Variants in RASA1 observed in about 807,000 individuals in gnomAD.
The protein encoded by RASA1 is ras GTPase-activating protein 1.
A neutral mutation model predicts 132.2 loss-of-function variants in RASA1; 25 were observed. That is an observed-to-expected ratio of 0.19 (90% CI 0.14 to 0.26). The LOEUF (loss-of-function observed/expected upper bound fraction) is 0.26. Among genes scored for constraint, RASA1 ranks in the 10% least tolerant of loss-of-function variants. RASA1 has a pLI of 1.00. For missense variants in RASA1, 964 were observed against 1,299.2 expected, an observed-to-expected ratio of 0.74 and a Z score of 3.97; for synonymous variants, 477 against 449.9, an observed-to-expected ratio of 1.06 and a Z score of -0.76.
At chr5:87,338,536 A>ATATATATATATATATTT in intron 5 of RASA1, among the ~76,000 whole-genome samples, 63 of 85,182 alleles carry the variant, frequency 7.4e-4, no homozygotes, top group Non-Finnish European at 1.1e-3. Flanking sequence ...TATATATAAA[A>ATATATATATATATATTT]TTTTTTTTTT....
chr5:87,278,269 G>A lies in RASA1; in HGVS notation c.539+9279G>A, dbSNP rs555023923. 9.2e-5 allele frequency among the ~76,000 whole-genome samples: 14 copies of A among 151,944 alleles called. 1 individual carries two copies. The highest frequency in any genetic ancestry group is 7.2e-4 in the Admixed American group (11 of 15,244). Reference sequence around the variant, plus strand: ...TTTTAAGAAATAAGACAGATGGGCCGGGCGCAGTGGCTCACTCCTGTAATC... The same window carrying A: ...TTTTAAGAAATAAGACAGATGGGCCAGGCGCAGTGGCTCACTCCTGTAATC... On this transcript the variant is annotated intron_variant, in intron 1 of 24. Transcript: ENST00000274376.
At position 87,268,956 on chromosome 5, in the gene RASA1, G is replaced by T; in HGVS notation, c.505G>T (p.Val169Leu). 1.2e-6 allele frequency: 2 copies of T among 1,614,232 alleles called. No homozygotes were observed. The highest frequency in any genetic ancestry group is 1.7e-6 in the Non-Finnish European group (2 of 1,180,054). The part of the protein sequence containing the change: ...LDGPEYEEEE[V>L]AIPLTAPPTN... The stretch of plus-strand genomic sequence containing the variant: ...TGGACCAGAATACGAGGAGGAAGAG[G>T]TGGCCATACCGTTGACCGCTCCTCC... Residue 169 changes from valine to leucine, a missense_variant, in exon 1 of 25, where the codon GTG becomes TTG. Physicochemically the swap from Val to Leu is conservative, Grantham distance 32. Transcript: ENST00000274376.
intron 23 of RASA1, among the ~76,000 whole-genome samples, chr5:87,387,883 TTTACTATA>T (rs1390261256): frequency 6.6e-6 from 1 of 152,170 alleles, no homozygotes; most frequent in East Asian, 1.9e-4. Context: ...GGAAAATATT[TTTACTATA>T]ATGTTTAAGG....
intron 1 of RASA1, among the ~76,000 whole-genome samples, chr5:87,299,147 T>A (rs537929386): frequency 6.6e-6 from 1 of 152,250 alleles, no homozygotes; most frequent in South Asian, 2.1e-4. Flanking sequence ...GTCCTATGAG[T>A]CATTAATATA....
intron 1 of RASA1, among the ~76,000 whole-genome samples, chr5:87,307,148 GT>G (rs1430338290): frequency 6.6e-6 from 1 of 152,184 alleles, no homozygotes; most frequent in Non-Finnish European, 1.5e-5. Flanking sequence ...GATAACAGGT[GT>G]GAGCCACTTT....
intron 24 of RASA1, 37 bp downstream of exon 24, chr5:87,389,564 C>CAAAG: frequency 1.2e-6 from 2 of 1,606,882 alleles, no homozygotes; most frequent in South Asian, 1.1e-5. Context: ...AATGATGTTT[C>CAAAG]AAAGATAACA....
intron 20 of RASA1, among the ~76,000 whole-genome samples, chr5:87,382,470 A>T (rs1317422967): frequency 6.6e-6 from 1 of 152,220 alleles, no homozygotes; most frequent in Non-Finnish European, 1.5e-5. Context: ...TATGTCTATC[A>T]ATCTGTAGAA....
chr5:87,291,800 A>G (rs1441229919), intron 1 of RASA1, among the ~76,000 whole-genome samples: 1 of 152,206 alleles, frequency 6.6e-6, no homozygotes, highest in African/African-American at 2.4e-5. Flanking sequence ...CCTACCCAGA[A>G]GCTGAGCAGA....
In RASA1 at chr5:87,321,825, A is replaced by AC. The variant is rs1399263542; in HGVS notation, c.540-9517dup. Among the ~76,000 whole-genome samples, 13 of 152,002 alleles carry AC rather than the reference A, an allele frequency of 8.6e-5. No homozygotes were observed. In the East Asian group the frequency reaches 1.4e-3, roughly 16 times the overall value. On this transcript the variant is annotated intron_variant, in intron 1 of 24. Coordinates refer to ENST00000274376, the MANE Select transcript of RASA1 (RefSeq NM_002890.3). The stretch of plus-strand genomic sequence containing the variant: ...CATCAGCACTTTCCCCAATGGGAAG[A>AC]CCCCCCATAGGACCCTCTCTGAAAT...
At chr5:87,350,732 T>C (rs1434486225) in intron 8 of RASA1, among the ~76,000 whole-genome samples, 1 of 151,540 alleles carries the variant, frequency 6.6e-6, no homozygotes, top group Non-Finnish European at 1.5e-5. Flanking sequence ...AAAAAAAAAG[T>C]TAAATGTATG....
chr5:87,335,419 GTTT>G lies in RASA1; in HGVS notation c.899+2105_899+2107del, dbSNP rs34986349. Reference sequence around the variant, plus strand: ...ATAGGTGAAGATAATAAAGAATGAGGTTTTTTTTTTTTTTTTTTTTTTTTTGTG... The same window carrying G: ...ATAGGTGAAGATAATAAAGAATGAGGTTTTTTTTTTTTTTTTTTTTTTGTG... On this transcript the variant is annotated intron_variant, in intron 4 of 24. Coordinates refer to ENST00000274376, the MANE Select transcript of RASA1 (RefSeq NM_002890.3). Among the ~76,000 whole-genome samples, 389 of 72,918 alleles carry G rather than the reference GTTT, an allele frequency of 5.3e-3. 1 individual carries two copies. Among genetic ancestry groups the G allele is most frequent in the Middle Eastern group, 0.027 (2 of 74 alleles). The allele number at this position is 72,918 out of a possible 152,430, so 47.8% of individuals were successfully genotyped here.
intron 12 of RASA1, among the ~76,000 whole-genome samples, chr5:87,370,387 T>C (rs1199986415): frequency 6.6e-6 from 1 of 152,222 alleles, no homozygotes. Context: ...TATTAATCCA[T>C]GTGCAGTGTC....
intron 11 of RASA1, among the ~76,000 whole-genome samples, 180 bp downstream of exon 11, chr5:87,363,684 T>C (rs1760286091): frequency 6.6e-6 from 1 of 152,114 alleles, no homozygotes; most frequent in South Asian, 2.1e-4. Context: ...GTCTACTTCA[T>C]TGTGTTGCAC....
At chr5:87,386,074 C>T (rs1320087510) in intron 22 of RASA1, among the ~76,000 whole-genome samples, 1 of 151,972 alleles carries the variant, frequency 6.6e-6, no homozygotes, top group African/African-American at 2.4e-5. Flanking sequence ...TTTATTGCTC[C>T]TCACAGCCTT....
intron 1 of RASA1, among the ~76,000 whole-genome samples, chr5:87,274,873 A>T (rs1753997876): frequency 6.6e-6 from 1 of 152,236 alleles, no homozygotes; most frequent in South Asian, 2.1e-4. Context: ...AGATGAGTTT[A>T]AACTTTTCAC....
chr5:87,303,207 G>A (rs1437685190), intron 1 of RASA1, among the ~76,000 whole-genome samples: 1 of 152,122 alleles, frequency 6.6e-6, no homozygotes. Context: ...TTTCACTAGT[G>A]AAATTGATAC....
intron 17 of RASA1, 57 bp from the exon 18 acceptor site, chr5:87,378,339 T>G (rs565634778): frequency 3.2e-4 from 505 of 1,572,096 alleles, no homozygotes; most frequent in Admixed American, 1.2e-3. Flanking sequence ...AATTTCCAAT[T>G]TGGTCACATT....
At chr5:87,389,245 C>T (rs1028120716) in intron 23 of RASA1, 148 bp from the exon 24 acceptor site, 24 of 914,390 alleles carry the variant, frequency 2.6e-5, no homozygotes, top group Non-Finnish European at 3.8e-5. Context: ...GCAGGAGAAT[C>T]GCTTGAACCC....
At chr5:87,285,602 GTCTC>G (rs1420574324) in intron 1 of RASA1, among the ~76,000 whole-genome samples, 1 of 147,162 alleles carries the variant, frequency 6.8e-6, no homozygotes, top group Non-Finnish European at 1.5e-5. Flanking sequence ...ATTTCAGTCA[GTCTC>G]TTTTTCTTTT....
Sources: allele counts gnomAD v4.1 joint callset (sites outside exome capture counted in the v4.1 genomes callset), GRCh38; gene constraint gnomAD v4.1.1; transcripts MANE v1.5; gene names NCBI Gene and HGNC (gene_info 2026-07-23, HGNC 2026-07-21).